Variants in MARCHF5 observed in about 807,000 individuals in gnomAD.
MARCHF5 encodes the protein membrane associated ring-CH-type finger 5, also known as E3 ubiquitin-protein ligase MARCHF5.
A neutral mutation model predicts 36.5 loss-of-function variants in MARCHF5; 5 were observed. The ratio of observed to expected loss-of-function variants is 0.14; its 90% CI spans 0.07 to 0.29. MARCHF5 has a LOEUF of 0.29. MARCHF5 is among the 10% of genes least tolerant of loss of function. MARCHF5 has a pLI of 1.00. For synonymous variants in MARCHF5, 103 were observed against 109.9 expected, an observed-to-expected ratio of 0.94 and a Z score of 0.39; for missense variants, 179 against 336.3, an observed-to-expected ratio of 0.53 and a Z score of 3.66.
rs1842858901 is a variant in MARCHF5 at position 92,291,394 on chromosome 10, C to G, written c.-101C>G. 2.7e-6 allele frequency: 3 copies of G among 1,113,140 alleles called. No homozygotes were observed. The highest frequency in any genetic ancestry group is 4.0e-6 in the Non-Finnish European group (3 of 755,994). 69.0% of individuals were successfully genotyped at this position (1,113,140 alleles called of 1,614,324 possible). Reference sequence around the variant, plus strand: ...CTGGGTGACGGGTTCGCGGCTGCCGCCGGACTGCGGCCTACTCCGCCGCCT... The same window carrying G: ...CTGGGTGACGGGTTCGCGGCTGCCGGCGGACTGCGGCCTACTCCGCCGCCT... On this transcript the variant is annotated 5_prime_UTR_variant, in exon 1 of 6. Transcript: ENST00000358935.
At chr10:92,302,636 G>T (rs1843030624) in intron 1 of MARCHF5, among the ~76,000 whole-genome samples, 1 of 151,982 alleles carries the variant, frequency 6.6e-6, no homozygotes, top group Non-Finnish European at 1.5e-5. Context: ...TAGAGACGGG[G>T]TTTCTCTATG....
At chr10:92,327,554 G>A (rs1010695075) in intron 2 of MARCHF5, among the ~76,000 whole-genome samples, 3 of 152,108 alleles carry the variant, frequency 2.0e-5, no homozygotes, top group East Asian at 1.9e-4. Context: ...TGGGTCAAAG[G>A]TATGTGCATT....
intron 1 of MARCHF5, among the ~76,000 whole-genome samples, chr10:92,305,444 A>T (rs1165231344): frequency 1.3e-5 from 2 of 152,302 alleles, no homozygotes; most frequent in East Asian, 3.9e-4. Context: ...AAAAATCAGA[A>T]AAAAGGAAGG....
At chr10:92,293,992 C>G (rs561453581) in intron 1 of MARCHF5, among the ~76,000 whole-genome samples, 3 of 152,160 alleles carry the variant, frequency 2.0e-5, no homozygotes, top group Non-Finnish European at 4.4e-5. Context: ...CAACCTACTT[C>G]CATGTTAGAA....
intron 2 of MARCHF5, among the ~76,000 whole-genome samples, chr10:92,336,535 G>A (rs1427786364): frequency 1.3e-5 from 2 of 152,100 alleles, no homozygotes; most frequent in Non-Finnish European, 2.9e-5. Context: ...TGTAAATTAG[G>A]GTATGTTATG....
At chr10:92,332,537 T>TTTGGGG (rs1843448586) in intron 2 of MARCHF5, among the ~76,000 whole-genome samples, 1 of 148,088 alleles carries the variant, frequency 6.8e-6, no homozygotes, top group African/African-American at 2.5e-5. Flanking sequence ...TTTTTTTTTT[T>TTTGGGG]GAGACGGAGT....
At position 92,294,789 on chromosome 10, in the gene MARCHF5, G is replaced by A. The variant is rs116825922; in HGVS notation, c.35+3260G>A. ...ACAGTAGCTCATGCCTGTAATCCCA[G>A]CACTTTGGGAGGCCGAGATGAGAGG... On this transcript the variant is annotated intron_variant, in intron 1 of 5. Transcript: ENST00000358935. Among the ~76,000 whole-genome samples, 821 of 152,302 alleles carry A rather than the reference G, an allele frequency of 5.4e-3. 8 individuals are homozygous for A. The highest frequency in any genetic ancestry group is 0.019 in the African/African-American group (781 of 41,566).
chr10:92,331,900 CATATATATGTATATATAATCATAT>C (rs1035374858), intron 2 of MARCHF5, among the ~76,000 whole-genome samples: 118 of 144,034 alleles, frequency 8.2e-4, no homozygotes, highest in African/African-American at 2.8e-3. Flanking sequence ...TATATATAAT[CATATATATGTATATATAATCATAT>C]ATATGTATAT....
At chr10:92,346,492 C>CTTTTTTTTTT (rs763991703) in intron 3 of MARCHF5, among the ~76,000 whole-genome samples, 4 of 88,292 alleles carry the variant, frequency 4.5e-5, no homozygotes, top group Admixed American at 1.4e-4. Flanking sequence ...CTATTTCCTT[C>CTTTTTTTTTT]TTTTTTTTTT....
At chr10:92,326,783 G>GTTT (rs575161225) in intron 2 of MARCHF5, among the ~76,000 whole-genome samples, 2 of 142,116 alleles carry the variant, frequency 1.4e-5, no homozygotes, top group South Asian at 2.3e-4. Flanking sequence ...CTCATAAGCA[G>GTTT]TTTTTTTTTT....
chr10:92,301,684 C>T (rs1843013836), intron 1 of MARCHF5, among the ~76,000 whole-genome samples: 1 of 152,230 alleles, frequency 6.6e-6, no homozygotes, highest in Non-Finnish European at 1.5e-5. Flanking sequence ...GCTCAAGTCC[C>T]TGATATAAAA....
intron 2 of MARCHF5, among the ~76,000 whole-genome samples, chr10:92,338,911 C>T (rs546159810): frequency 5.3e-5 from 8 of 151,914 alleles, no homozygotes; most frequent in African/African-American, 1.7e-4. Context: ...TTTGGTAGCT[C>T]ACACACACCT....
intron 2 of MARCHF5, among the ~76,000 whole-genome samples, chr10:92,336,317 G>A (rs1245435099): frequency 6.6e-6 from 1 of 152,180 alleles, no homozygotes; most frequent in Non-Finnish European, 1.5e-5. Context: ...GATTACAGGT[G>A]GGAGCCACCA....
intron 2 of MARCHF5, among the ~76,000 whole-genome samples, chr10:92,317,213 C>T (rs1225847537): frequency 6.6e-6 from 1 of 151,914 alleles, no homozygotes; most frequent in East Asian, 1.9e-4. Flanking sequence ...CAAGCAGTTT[C>T]TCCTGCCTCG....
rs1353679271 is a variant in MARCHF5, at chr10:92,297,333, A to AT, written c.35+5810dup. On this transcript the variant is annotated intron_variant, in intron 1 of 5. Transcript: ENST00000358935. Reference sequence around the variant, plus strand: ...TGGTGTGCACCACCACACCTAGCTGATTTTTTGTATTTTTTTTGTGGAGAT... The same window carrying AT: ...TGGTGTGCACCACCACACCTAGCTGATTTTTTTGTATTTTTTTTGTGGAGAT... Among the ~76,000 whole-genome samples the AT allele has an allele frequency of 2.0e-5, 3 of 151,434 alleles. No homozygotes were observed. In the East Asian group the frequency reaches 5.8e-4, roughly 29 times the overall value.
intron 1 of MARCHF5, among the ~76,000 whole-genome samples, chr10:92,301,839 A>G (rs893023943): frequency 6.6e-6 from 1 of 152,180 alleles, no homozygotes; most frequent in Non-Finnish European, 1.5e-5. Flanking sequence ...CAGGCGGATC[A>G]TCTGAGGTCA....
At chr10:92,295,403 A>T (rs745891670) in intron 1 of MARCHF5, among the ~76,000 whole-genome samples, 2,102 of 67,266 alleles carry the variant, frequency 0.031, 36 homozygotes, top group Non-Finnish European at 0.047. Context: ...TTATTTATTT[A>T]TTTATTTTTT....
At position 92,352,811 on chromosome 10, in the gene MARCHF5, C is replaced by G. The variant is rs922261002; in HGVS notation, c.*1604C>G. 6 of 152,442 alleles carry G rather than the reference C, an allele frequency of 3.9e-5. No individual in the cohort carries two copies. The highest frequency in any genetic ancestry group is 1.2e-4 in the African/African-American group (5 of 41,378). 9.4% of individuals were successfully genotyped at this position (152,442 alleles called of 1,614,324 possible). On this transcript the variant is annotated 3_prime_UTR_variant, in exon 6 of 6. Coordinates refer to ENST00000358935, the MANE Select transcript of MARCHF5 (RefSeq NM_017824.5). ...GATGAAGATTTGACTAACAGTGAGCCTTATTAAGAACACTACTACAGTTCT... is the reference window on the plus strand; with the variant it reads ...GATGAAGATTTGACTAACAGTGAGCGTTATTAAGAACACTACTACAGTTCT...
intron 1 of MARCHF5, among the ~76,000 whole-genome samples, chr10:92,297,133 T>G (rs1590643116): frequency 6.6e-6 from 1 of 152,174 alleles, no homozygotes; most frequent in Admixed American, 6.5e-5. Flanking sequence ...CTTGGTTTAA[T>G]GCTTTTATAT....
Sources: allele counts gnomAD v4.1 joint callset (sites outside exome capture counted in the v4.1 genomes callset), GRCh38; gene constraint gnomAD v4.1.1; transcripts MANE v1.5; gene names NCBI Gene and HGNC (gene_info 2026-07-23, HGNC 2026-07-21).